Variants in BIRC6 observed in about 807,000 individuals in gnomAD.
The protein encoded by BIRC6 is dual E2 ubiquitin-conjugating enzyme/E3 ubiquitin-protein ligase BIRC6.
A neutral mutation model predicts 503.3 loss-of-function variants in BIRC6; 98 were observed. That is an observed-to-expected ratio of 0.19 (90% CI 0.17 to 0.23). The LOEUF (loss-of-function observed/expected upper bound fraction) is 0.23. Among genes scored for constraint, BIRC6 ranks in the 10% least tolerant of loss-of-function variants. The pLI, the probability that BIRC6 is intolerant of heterozygous loss-of-function variation, is 1.00. For synonymous variants in BIRC6, 2,240 were observed against 2,078.7 expected (o/e 1.08, Z -2.11); for missense variants, 5,360 against 5,806.0 (o/e 0.92, Z 2.50).
At chr2:32,612,699 A>G (rs559052516) in intron 73 of BIRC6, among the ~76,000 whole-genome samples, 1 of 152,208 alleles carries the variant, frequency 6.6e-6, no homozygotes, top group Non-Finnish European at 1.5e-5. Flanking sequence ...GGGAATATAG[A>G]TGAAAGAAGA....
At chr2:32,469,134 C>T (rs1015656072) in intron 29 of BIRC6, among the ~76,000 whole-genome samples, 6 of 152,130 alleles carry the variant, frequency 3.9e-5, no homozygotes, top group African/African-American at 7.2e-5. Context: ...GATCATTACA[C>T]GAGCTCACAC....
At chr2:32,552,124 C>T (rs1218467161) in intron 65 of BIRC6, among the ~76,000 whole-genome samples, 1 of 152,172 alleles carries the variant, frequency 6.6e-6, no homozygotes, top group African/African-American at 2.4e-5. Context: ...CCTTTCAGTG[C>T]AGAGATTGGT....
intron 37 of BIRC6, among the ~76,000 whole-genome samples, chr2:32,480,967 C>T (rs1363556851): frequency 6.6e-6 from 1 of 151,836 alleles, no homozygotes; most frequent in Non-Finnish European, 1.5e-5. Flanking sequence ...CAACTTCAGT[C>T]CTGTTTGCTT....
intron 43 of BIRC6, among the ~76,000 whole-genome samples, chr2:32,490,747 ATTC>A (rs1429330184): frequency 1.3e-5 from 2 of 152,146 alleles, no homozygotes; most frequent in African/African-American, 4.8e-5. Context: ...TTTTTATGTT[ATTC>A]TTTTAAGATA....
chr2:32,421,246 A>G (rs1363755348), intron 10 of BIRC6, among the ~76,000 whole-genome samples: 1 of 151,640 alleles, frequency 6.6e-6, no homozygotes. Flanking sequence ...AGCTGGGACT[A>G]CAGGCCCGAG....
chr2:32,531,769 G>A (rs2056777824), intron 61 of BIRC6, among the ~76,000 whole-genome samples: 1 of 152,174 alleles, frequency 6.6e-6, no homozygotes, highest in South Asian at 2.1e-4. Flanking sequence ...ACACTTGCCA[G>A]ACTTACTACA....
chr2:32,383,194 G>A (rs958953805), intron 3 of BIRC6, among the ~76,000 whole-genome samples: 3 of 151,412 alleles, frequency 2.0e-5, no homozygotes, highest in Admixed American at 6.6e-5. Flanking sequence ...TTACAGGCGC[G>A]TGCCACCACG....
chr2:32,437,877 A>G (rs899802691), intron 15 of BIRC6, among the ~76,000 whole-genome samples: 1 of 152,204 alleles, frequency 6.6e-6, no homozygotes, highest in Non-Finnish European at 1.5e-5. Flanking sequence ...ACTAATCTCA[A>G]ATTGTTTAGA....
chr2:32,488,473 T>C (rs2051271930), intron 41 of BIRC6, 115 bp from the exon 42 acceptor site: 1 of 841,122 alleles, frequency 1.2e-6, no homozygotes, highest in Admixed American at 3.7e-5. Flanking sequence ...AAGAAGTGTT[T>C]AATAGAAAAG....
At chr2:32,447,638 C>T (rs1353680219) in intron 21 of BIRC6, among the ~76,000 whole-genome samples, 23 of 123,488 alleles carry the variant, frequency 1.9e-4, no homozygotes, top group Non-Finnish European at 2.9e-4. Context: ...GACGGCGCGG[C>T]TGGCCGGGCA....
chr2:32,440,686 G>A (rs1477003302), intron 16 of BIRC6, among the ~76,000 whole-genome samples: 2 of 151,846 alleles, frequency 1.3e-5, no homozygotes, highest in African/African-American at 4.8e-5. Context: ...GAAAGTGAGT[G>A]AACCTTAGCG....
At chr2:32,542,492 A>G (rs1000484249) in intron 61 of BIRC6, among the ~76,000 whole-genome samples, 2 of 152,214 alleles carry the variant, frequency 1.3e-5, no homozygotes, top group Non-Finnish European at 2.9e-5. Context: ...CTATACTGAT[A>G]AAAATTAATG....
chr2:32,531,413 A>G lies in BIRC6; in HGVS notation c.12153A>G (p.Glu4051=), dbSNP rs375895725. The G allele has an allele frequency of 4.0e-5, 65 of 1,613,786 alleles. No homozygotes were observed. Among genetic ancestry groups the G allele is most frequent in the Non-Finnish European group, 5.0e-5 (59 of 1,179,832 alleles). ...ATGAGGCTCTCACTCCAGGTGATGAATGCATGGATGGGATACTGGATGAAT... is the reference window on the plus strand; with the variant it reads ...ATGAGGCTCTCACTCCAGGTGATGAGTGCATGGATGGGATACTGGATGAAT... ...PEDEALTPGD[E]CMDGILDESL... is the part of the protein sequence containing the mutation. Residue 4051 remains glutamate, a synonymous_variant, in exon 61 of 74, where the codon GAA becomes GAG. Transcript: ENST00000421745.
chr2:32,477,869 C>G (rs1198132670), intron 35 of BIRC6, among the ~76,000 whole-genome samples: 3 of 150,872 alleles, frequency 2.0e-5, no homozygotes, highest in Non-Finnish European at 4.4e-5. Context: ...TTTATTGTGT[C>G]TTAAAAGATG....
intron 3 of BIRC6, among the ~76,000 whole-genome samples, chr2:32,386,430 T>C (rs982836450): frequency 9.9e-5 from 15 of 152,026 alleles, no homozygotes; most frequent in African/African-American, 3.6e-4. Context: ...TCTGTATCTT[T>C]TAAGTCTCTC....
chr2:32,596,766 T>C (rs1331885168), intron 68 of BIRC6, among the ~76,000 whole-genome samples: 1 of 152,218 alleles, frequency 6.6e-6, no homozygotes, highest in African/African-American at 2.4e-5. Context: ...TACATGGCAG[T>C]GTTCTTGTAC....
chr2:32,478,734 A>T lies in BIRC6; in HGVS notation c.7168A>T (p.Thr2390Ser). 6.2e-7 allele frequency: 1 copy of T among 1,613,898 alleles called. No homozygotes were observed. The highest frequency in any genetic ancestry group is 8.5e-7 in the Non-Finnish European group (1 of 1,179,838). The change falls in exon 36 of 74, where the codon ACT (threonine) becomes TCT (serine). Residue 2390 changes from threonine (T) to serine (S), a missense_variant. Physicochemically the swap from Thr to Ser is moderately conservative, Grantham distance 58 (BLOSUM62 1). Coordinates refer to ENST00000421745, the MANE Select transcript of BIRC6 (RefSeq NM_016252.4). ...AAGACTGCTGTTACTTTTGGTTGGAACTGACTTCAATAGAGGAGATATATC... is the reference window on the plus strand; with the variant it reads ...AAGACTGCTGTTACTTTTGGTTGGATCTGACTTCAATAGAGGAGATATATC... ...LERLLLLLVG[T>S]DFNRGDISWG... is the part of the protein sequence containing the mutation.
chr2:32,615,811 T>C (rs1048989506), intron 73 of BIRC6, among the ~76,000 whole-genome samples: 3 of 152,188 alleles, frequency 2.0e-5, no homozygotes, highest in South Asian at 2.1e-4. Context: ...ATTTTTGTAT[T>C]TTTTGTAGAG....
At chr2:32,598,057 C>G (rs1481864366) in intron 69 of BIRC6, 89 bp downstream of exon 69, 2 of 1,206,534 alleles carry the variant, frequency 1.7e-6, no homozygotes, top group Non-Finnish European at 2.3e-6. Flanking sequence ...AAATACTATA[C>G]AAATAAATTA....
Sources: gnomAD v4.1 joint callset for allele counts (sites outside exome capture counted in the v4.1 genomes callset) on GRCh38, gnomAD v4.1.1 for gene constraint, MANE v1.5 for transcripts, NCBI Gene and HGNC (gene_info 2026-07-23, HGNC 2026-07-21) for gene names.